LYST: variants seen among roughly 807,000 people sequenced by gnomAD.
LYST encodes lysosomal-trafficking regulator.
LYST carries 192 observed loss-of-function variants against 413.6 expected under a neutral mutation model. The observed-to-expected ratio is 0.46, with a 90% CI of 0.41 to 0.52. LYST has a LOEUF of 0.52. Among genes scored for constraint, LYST ranks in the 20% least tolerant of loss-of-function variants. The pLI is 0.00. For missense variants in LYST, 3,815 were observed against 4,499.9 expected, an observed-to-expected ratio of 0.85 and a Z score of 4.35; for synonymous variants, 1,525 against 1,567.3, an observed-to-expected ratio of 0.97 and a Z score of 0.64.
At position 235,791,978 on chromosome 1, in the gene LYST, C is replaced by A; in HGVS notation, c.4264G>T (p.Ala1422Ser). The A allele has an allele frequency of 6.2e-7, 1 of 1,614,110 alleles. No individual in the cohort carries two copies. The highest frequency in any genetic ancestry group is 8.5e-7 in the Non-Finnish European group (1 of 1,180,008). ...QKYPGILNSK[A>S]MGLLRRARVS... ...CGTGCTCTTCTCAATAAACCCATGGCCTTACTGTTTAAAATCCCAGGATAC... is the reference window on the plus strand; with the variant it reads ...CGTGCTCTTCTCAATAAACCCATGGACTTACTGTTTAAAATCCCAGGATAC... Residue 1422 changes from alanine (A) to serine (S), a missense_variant, in exon 12 of 53, where the codon GCC (alanine) becomes TCC (serine). Physicochemically the swap from Ala to Ser is moderately conservative, Grantham distance 99 (BLOSUM62 1). Around this residue, in one of 4 missense-constraint regions of LYST, gnomAD observed 1,648 missense variants for 1,810.3 expected, o/e 0.91. Coordinates refer to ENST00000389793, the MANE Select transcript of LYST (RefSeq NM_000081.4).
intron 3 of LYST, 103 bp downstream of exon 3, chr1:235,830,123 C>T (rs1675786572): frequency 2.4e-6 from 2 of 837,740 alleles, no homozygotes; most frequent in Admixed American, 4.1e-5. Context: ...AAAGACTGGA[C>T]TTTATCTCAA....
At chr1:235,709,767 T>C (rs1393443355) in intron 43 of LYST, among the ~76,000 whole-genome samples, 1 of 150,114 alleles carries the variant, frequency 6.7e-6, no homozygotes, top group Non-Finnish European at 1.5e-5. Context: ...ATTAGTATTC[T>C]ATAGTTTAAA....
rs570740458 is a variant in LYST at position 235,735,414 on chromosome 1, A to G, written c.8359-755T>C. On this transcript the variant is annotated intron_variant, in intron 31 of 52. Coordinates refer to ENST00000389793, the MANE Select transcript of LYST (RefSeq NM_000081.4). ...GCAGAGTTGTTTTAGCCAATCTTTT[A>G]TTAACAGGCCCTAAAACCAAAATTC... 5.3e-5 allele frequency: 8 copies of G among 152,242 alleles called. No homozygotes were observed. The East Asian group carries it at 1.5e-3, about 29-fold the overall frequency. 9.4% of individuals were successfully genotyped at this position (152,242 alleles called of 1,614,324 possible).
chr1:235,685,980 C>T (rs1401639341), intron 48 of LYST, among the ~76,000 whole-genome samples: 1 of 152,040 alleles, frequency 6.6e-6, no homozygotes, highest in African/African-American at 2.4e-5. Context: ...GAAAAAAATG[C>T]ACAGTGAAAA....
intron 4 of LYST, among the ~76,000 whole-genome samples, chr1:235,811,384 T>C (rs1673436138): frequency 6.6e-6 from 1 of 152,216 alleles, no homozygotes; most frequent in Non-Finnish European, 1.5e-5. Flanking sequence ...AAGATTTTTC[T>C]AAAATTATTT....
intron 31 of LYST, 50 bp downstream of exon 31, chr1:235,741,372 T>C: frequency 2.1e-6 from 3 of 1,401,572 alleles, no homozygotes; most frequent in Non-Finnish European, 2.0e-6. Flanking sequence ...TATTCAGACT[T>C]TGTATTTCAC....
chr1:235,757,976 A>T (rs1667205122), intron 23 of LYST, among the ~76,000 whole-genome samples: 1 of 152,128 alleles, frequency 6.6e-6, no homozygotes, highest in African/African-American at 2.4e-5. Flanking sequence ...AAGAGAGGCA[A>T]ATATTGGTAC....
chr1:235,881,070 G>A (rs1261169718), intron 1 of LYST, among the ~76,000 whole-genome samples: 2 of 152,326 alleles, frequency 1.3e-5, no homozygotes, highest in East Asian at 1.9e-4. Context: ...CTTGCTGTAC[G>A]TGATATACAG....
intron 10 of LYST, among the ~76,000 whole-genome samples, chr1:235,799,140 G>A (rs750626080): frequency 6.6e-6 from 1 of 152,122 alleles, no homozygotes; most frequent in Non-Finnish European, 1.5e-5. Flanking sequence ...ATAAGTAAAT[G>A]AATGAGAAGA....
chr1:235,680,659 C>T (rs1015395158), intron 48 of LYST, among the ~76,000 whole-genome samples: 122 of 151,472 alleles, frequency 8.1e-4, no homozygotes, highest in Middle Eastern at 3.4e-3. Flanking sequence ...AGTGCAATGG[C>T]GCAACCTTGG....
At chr1:235,868,764 C>T (rs59937965), upstream of LYST, among the ~76,000 whole-genome samples, 9,383 of 152,134 alleles carry the variant, frequency 0.062, 957 homozygotes, top group African/African-American at 0.21. Context: ...GGCACAGTCT[C>T]GGCTCACTGC....
rs115893654 is a variant in LYST at position 235,718,489 on chromosome 1, T to C, written c.9561-1711A>G. 5.0e-3 allele frequency among the ~76,000 whole-genome samples: 764 copies of C among 152,124 alleles called. 10 individuals carry two copies. The highest frequency in any genetic ancestry group is 0.017 in the African/African-American group (714 of 41,482). ...TCCTGAGTAGTTGGTCTCGAACTCC[T>C]GACGTCAGGTGATCTGCCTGCCTTG... On this transcript the variant is annotated intron_variant, in intron 40 of 52. Coordinates refer to ENST00000389793, the MANE Select transcript of LYST (RefSeq NM_000081.4).
chr1:235,731,580 A>G lies in LYST; in HGVS notation c.8802-403T>C, dbSNP rs540473426. Among the ~76,000 whole-genome samples, 343 of 130,262 alleles carry G rather than the reference A, an allele frequency of 2.6e-3. 2 individuals are homozygous for G. The highest frequency in any genetic ancestry group is 4.4e-3 in the Non-Finnish European group (279 of 63,590). The allele number at this position is 130,262 out of a possible 152,430, so 85.5% of individuals were successfully genotyped here. On this transcript the variant is annotated intron_variant, in intron 34 of 52. Coordinates refer to ENST00000389793, the MANE Select transcript of LYST (RefSeq NM_000081.4). ...CATTTTTTTTTTTTTTTTTTTTGAG[A>G]CAGAGTCTGGCTGTGTCGCCCAGGC...
At chr1:235,717,194 G>A (rs896602208) in intron 40 of LYST, among the ~76,000 whole-genome samples, 8 of 152,154 alleles carry the variant, frequency 5.3e-5, no homozygotes, top group Non-Finnish European at 8.8e-5. Context: ...AGTTTCGACA[G>A]AACTTAGGAA....
intron 48 of LYST, among the ~76,000 whole-genome samples, chr1:235,681,832 TTTTC>T (rs1321506048): frequency 6.6e-6 from 1 of 152,208 alleles, no homozygotes; most frequent in Non-Finnish European, 1.5e-5. Context: ...TCCTCATTTT[TTTTC>T]TTTATCTTTC....
chr1:235,700,618 T>C (rs1478707614), intron 45 of LYST, among the ~76,000 whole-genome samples: 11 of 152,312 alleles, frequency 7.2e-5, no homozygotes, highest in African/African-American at 2.6e-4. Flanking sequence ...TGTGTAGATG[T>C]CAAGTGAAGG....
At chr1:235,812,923 T>C in intron 4 of LYST, 48 bp downstream of exon 4, 3 of 1,174,126 alleles carry the variant, frequency 2.6e-6, no homozygotes, top group Non-Finnish European at 2.6e-6. Context: ...GTAACTTTTC[T>C]ATGAAATTTT....
At position 235,811,546 on chromosome 1, in the gene LYST, T is replaced by C. The variant is rs765776422; in HGVS notation, c.284-1012A>G. Among the ~76,000 whole-genome samples the C allele has an allele frequency of 2.6e-5, 4 of 152,158 alleles. No individual in the cohort carries two copies. In the South Asian group the frequency reaches 8.3e-4, roughly 31 times the overall value. On this transcript the variant is annotated intron_variant, in intron 4 of 52. Transcript: ENST00000389793. Reference sequence around the variant, plus strand: ...CGGTGCCTAGATAGGGCCTGGCGTATGGTCAACACTCAGTAAATACTTCAC... The same window carrying C: ...CGGTGCCTAGATAGGGCCTGGCGTACGGTCAACACTCAGTAAATACTTCAC...
intron 3 of LYST, among the ~76,000 whole-genome samples, chr1:235,828,439 CAAT>C (rs1203576754): frequency 1.3e-5 from 2 of 151,998 alleles, no homozygotes; most frequent in Non-Finnish European, 2.9e-5. Context: ...AATTATATCT[CAAT>C]AATGTTATTT....
Sources: allele counts gnomAD v4.1 joint callset (sites outside exome capture counted in the v4.1 genomes callset), GRCh38; gene constraint gnomAD v4.1.1; regional missense constraint gnomAD v4.1.1; transcripts MANE v1.5; gene names NCBI Gene and HGNC (gene_info 2026-07-23, HGNC 2026-07-21).